The following ARHGEF4 variants were observed in gnomAD, a reference collection of about 807,000 sequenced individuals.
ARHGEF4 encodes APC-stimulated guanine nucleotide exchange factor 1.
A neutral mutation model predicts 162.0 loss-of-function variants in ARHGEF4; 119 were observed. The observed-to-expected ratio is 0.73, with a 90% CI of 0.63 to 0.86. ARHGEF4 has a LOEUF of 0.86. Among genes scored for constraint, ARHGEF4 ranks in the 40% least tolerant of loss-of-function variants. The probability of loss-of-function intolerance (pLI) is 0.00; values close to 1 mark genes in which losing one functional copy is unlikely to be tolerated. For synonymous variants in ARHGEF4, 1,014 were observed against 979.9 expected, an observed-to-expected ratio of 1.03 and a Z score of -0.65; for missense variants, 2,488 against 2,456.0, an observed-to-expected ratio of 1.01 and a Z score of -0.28.
chr2:131,004,460 C>T (rs568566673), intron 4 of ARHGEF4, among the ~76,000 whole-genome samples: 1 of 152,344 alleles, frequency 6.6e-6, no homozygotes, highest in East Asian at 1.9e-4. Flanking sequence ...CCACCGCACC[C>T]AGCCCTCTCT....
intron 5 of ARHGEF4, chr2:131,035,166 C>A: frequency 8.2e-7 from 1 of 1,219,032 alleles, no homozygotes. Flanking sequence ...TGCGCTGCAA[C>A]CTGCCCCCCG....
chr2:130,892,553 C>T (rs1220605897), intron 1 of ARHGEF4, among the ~76,000 whole-genome samples: 2 of 152,184 alleles, frequency 1.3e-5, no homozygotes, highest in Non-Finnish European at 2.9e-5. Flanking sequence ...ACCAAGCCTG[C>T]GCCTGAAGTG....
intron 1 of ARHGEF4, among the ~76,000 whole-genome samples, chr2:130,853,488 G>A (rs574596514): frequency 1.5e-4 from 23 of 152,166 alleles, no homozygotes; most frequent in Non-Finnish European, 2.9e-4. Context: ...AAAGCACACG[G>A]CCAGTCTTCA....
chr2:130,896,388 C>G (rs1680160059), intron 1 of ARHGEF4, among the ~76,000 whole-genome samples: 1 of 152,214 alleles, frequency 6.6e-6, no homozygotes, highest in African/African-American at 2.4e-5. Flanking sequence ...GGAAACCATT[C>G]TGGCAGCAAT....
intron 2 of ARHGEF4, among the ~76,000 whole-genome samples, chr2:130,926,830 T>TTTTTTTC: frequency 7.5e-6 from 1 of 133,748 alleles, no homozygotes; most frequent in Non-Finnish European, 1.6e-5. Context: ...TTTTTTTTTT[T>TTTTTTTC]TTTTTTTTGG....
chr2:130,937,891 T>C (rs1683056932), intron 3 of ARHGEF4, among the ~76,000 whole-genome samples: 1 of 152,094 alleles, frequency 6.6e-6, no homozygotes, highest in Non-Finnish European at 1.5e-5. Context: ...ATGGTCTCGA[T>C]CTCCTGACCT....
At chr2:130,841,702 C>A (rs905379847) in intron 1 of ARHGEF4, among the ~76,000 whole-genome samples, 2 of 152,196 alleles carry the variant, frequency 1.3e-5, no homozygotes, top group African/African-American at 2.4e-5. Flanking sequence ...TTGGTGCTTC[C>A]GGCTGGGGCA....
At chr2:130,922,331 G>A (rs531605783) in intron 2 of ARHGEF4, among the ~76,000 whole-genome samples, 31 of 151,300 alleles carry the variant, frequency 2.0e-4, no homozygotes, top group South Asian at 1.3e-3. Context: ...AGATTGCACC[G>A]TTGCACTCCA....
intron 1 of ARHGEF4, among the ~76,000 whole-genome samples, chr2:130,887,970 T>A (rs1263005669): frequency 2.0e-5 from 3 of 152,114 alleles, no homozygotes; most frequent in African/African-American, 7.3e-5. Context: ...TCATGCTGTG[T>A]GCCTGGAAAT....
chr2:130,865,013 T>C (rs559873070), intron 1 of ARHGEF4, among the ~76,000 whole-genome samples: 1 of 152,332 alleles, frequency 6.6e-6, no homozygotes, highest in Admixed American at 6.5e-5. Context: ...GTTTTTGTTG[T>C]ATGCAAAGCC....
intron 5 of ARHGEF4, chr2:131,035,581 A>G (rs1690212607): frequency 3.6e-6 from 3 of 824,640 alleles, no homozygotes; most frequent in East Asian, 2.0e-4. Flanking sequence ...TTGTCTGGAA[A>G]CGGAGTGCAT....
At chr2:130,865,164 G>A (rs534873675) in intron 1 of ARHGEF4, among the ~76,000 whole-genome samples, 2 of 152,342 alleles carry the variant, frequency 1.3e-5, no homozygotes, top group Admixed American at 1.3e-4. Context: ...AGTCAAAACA[G>A]GCATCTCAGA....
At chr2:130,886,756 A>G (rs1355858490) in intron 1 of ARHGEF4, among the ~76,000 whole-genome samples, 6 of 151,304 alleles carry the variant, frequency 4.0e-5, no homozygotes, top group African/African-American at 1.5e-4. Flanking sequence ...TCCTTTGGGG[A>G]AAAAAAATTA....
chr2:130,973,371 C>A (rs1047208841), intron 4 of ARHGEF4, among the ~76,000 whole-genome samples: 4 of 152,200 alleles, frequency 2.6e-5, no homozygotes, highest in African/African-American at 9.6e-5. Flanking sequence ...AGCCTGTAAT[C>A]CCAGCTACTT....
At chr2:130,960,368 A>G (rs1205041539) in intron 4 of ARHGEF4, among the ~76,000 whole-genome samples, 10 of 152,216 alleles carry the variant, frequency 6.6e-5, no homozygotes, top group East Asian at 5.8e-4. Flanking sequence ...ATATAAGAAT[A>G]CTTACCATTG....
At chr2:130,880,790 C>G (rs1466363345) in intron 1 of ARHGEF4, among the ~76,000 whole-genome samples, 2 of 152,090 alleles carry the variant, frequency 1.3e-5, no homozygotes, top group Admixed American at 1.3e-4. Context: ...CTGCCTCAAC[C>G]TCCCAAAGTG....
intron 1 of ARHGEF4, among the ~76,000 whole-genome samples, chr2:130,871,318 C>T (rs1285911482): frequency 6.6e-6 from 1 of 152,110 alleles, no homozygotes; most frequent in Admixed American, 6.6e-5. Flanking sequence ...GGCGGATCAC[C>T]TGAGGTCAGA....
intron 1 of ARHGEF4, among the ~76,000 whole-genome samples, chr2:130,868,205 G>C (rs1033543177): frequency 6.6e-6 from 1 of 152,210 alleles, no homozygotes; most frequent in Middle Eastern, 3.4e-3. Flanking sequence ...GATTACAGGA[G>C]TGAGCCACCA....
At chr2:130,865,495 G>A (rs981696102) in intron 1 of ARHGEF4, among the ~76,000 whole-genome samples, 1 of 152,206 alleles carries the variant, frequency 6.6e-6, no homozygotes, top group Admixed American at 6.5e-5. Flanking sequence ...GAGGCAGGTT[G>A]TGTCACCTCC....
Sources: allele counts gnomAD v4.1 joint callset (sites outside exome capture counted in the v4.1 genomes callset), GRCh38; gene constraint gnomAD v4.1.1; transcripts MANE v1.5; gene names NCBI Gene and HGNC (gene_info 2026-07-23, HGNC 2026-07-21).